NDST3: variants seen among roughly 807,000 people sequenced by gnomAD.
NDST3 encodes the protein bifunctional heparan sulfate N-deacetylase/N-sulfotransferase 3.
NDST3 carries 58 observed loss-of-function variants against 96.1 expected under a neutral mutation model. That is an observed-to-expected ratio of 0.60 (90% CI 0.49 to 0.75). NDST3 has a LOEUF of 0.75. NDST3 is among the 30% of genes least tolerant of loss of function. The pLI is 0.00. For missense variants in NDST3, 788 were observed against 1,034.2 expected (o/e 0.76, Z 3.27); for synonymous variants, 333 against 359.7 (o/e 0.93, Z 0.84).
intron 4 of NDST3, among the ~76,000 whole-genome samples, chr4:118,132,831 C>G (rs1472327308): frequency 2.0e-5 from 3 of 152,068 alleles, no homozygotes. Context: ...CCCTTTTGTC[C>G]TAGAGTATGT....
chr4:118,063,153 G>A (rs895219950), intron 2 of NDST3, among the ~76,000 whole-genome samples: 16 of 148,550 alleles, frequency 1.1e-4, no homozygotes, highest in Non-Finnish European at 2.4e-4. Context: ...TCTCACCATT[G>A]CACTCCAGCC....
At chr4:118,132,236 G>A (rs11098428) in intron 4 of NDST3, among the ~76,000 whole-genome samples, 117,269 of 152,088 alleles carry the variant, frequency 0.77, 48,640 homozygotes, top group South Asian at 0.92. Flanking sequence ...AAATTTGCCT[G>A]ACATTCTGTT....
chr4:118,238,641 A>ACCAT (rs1400510782), intron 10 of NDST3, among the ~76,000 whole-genome samples: 2 of 152,230 alleles, frequency 1.3e-5, no homozygotes, highest in Non-Finnish European at 2.9e-5. Flanking sequence ...TTTAATGACT[A>ACCAT]CCATGTGCAA....
At chr4:118,252,332 T>C (rs1741800026) in intron 12 of NDST3, among the ~76,000 whole-genome samples, 1 of 152,144 alleles carries the variant, frequency 6.6e-6, no homozygotes, top group Admixed American at 6.5e-5. Context: ...AGTCATGACT[T>C]GAATATTGAA....
intron 6 of NDST3, among the ~76,000 whole-genome samples, chr4:118,199,591 T>C (rs777179286): frequency 2.3e-4 from 35 of 152,306 alleles, no homozygotes; most frequent in South Asian, 6.2e-4. Flanking sequence ...ATTGAAGTCA[T>C]GTTTTCCTGG....
rs1275679246 is a variant in NDST3, at chr4:118,217,373, T to A, written c.1540-7118T>A. Among the ~76,000 whole-genome samples the A allele has an allele frequency of 3.3e-5, 5 of 152,040 alleles. No homozygotes were observed. In the East Asian group the frequency reaches 9.6e-4, roughly 29 times the overall value. Reference sequence around the variant, plus strand: ...AACTCAAAAGCTAATGAGGCACTTATGAGAGGGCCCGAGCCAGGGAATTAT... The same window carrying A: ...AACTCAAAAGCTAATGAGGCACTTAAGAGAGGGCCCGAGCCAGGGAATTAT... On this transcript the variant is annotated intron_variant, in intron 6 of 13. Transcript: ENST00000296499.
In NDST3 at chr4:118,116,108, G is replaced by A. The variant is rs150819963; in HGVS notation, c.1224+1148G>A. 4.6e-5 allele frequency among the ~76,000 whole-genome samples: 7 copies of A among 152,186 alleles called. No individual in the cohort carries two copies. The East Asian group carries it at 1.2e-3, about 25-fold the overall frequency. ...AAGCAGCATGTAAAATTGGTAAAAC[G>A]GCCCCAGAATTTGTAATAGAAAGTG... On this transcript the variant is annotated intron_variant, in intron 4 of 13. Coordinates refer to ENST00000296499, the MANE Select transcript of NDST3 (RefSeq NM_004784.3).
intron 1 of NDST3, among the ~76,000 whole-genome samples, chr4:118,046,002 C>T (rs1724741197): frequency 6.6e-6 from 1 of 151,636 alleles, no homozygotes; most frequent in South Asian, 2.1e-4. Flanking sequence ...CAAAGAAGTG[C>T]TACTCCCACG....
At chr4:118,061,936 A>G (rs1396682261) in intron 2 of NDST3, among the ~76,000 whole-genome samples, 1 of 152,192 alleles carries the variant, frequency 6.6e-6, no homozygotes, top group Non-Finnish European at 1.5e-5. Flanking sequence ...CAGAAAAAGG[A>G]AAGTGACATA....
At chr4:118,094,898 A>G (rs941377622) in intron 2 of NDST3, among the ~76,000 whole-genome samples, 2 of 151,908 alleles carry the variant, frequency 1.3e-5, no homozygotes, top group African/African-American at 4.8e-5. Context: ...GTATAGCGTG[A>G]TAGGCTGAGC....
intron 3 of NDST3, among the ~76,000 whole-genome samples, chr4:118,113,356 C>T (rs976163662): frequency 2.0e-5 from 3 of 152,104 alleles, no homozygotes; most frequent in Admixed American, 6.5e-5. Flanking sequence ...AATCTTTGTA[C>T]GTAGTGGAGA....
chr4:118,143,720 T>C (rs746846813), intron 6 of NDST3, 36 bp downstream of exon 6: 3 of 1,549,134 alleles, frequency 1.9e-6, no homozygotes, highest in Non-Finnish European at 2.6e-6. Flanking sequence ...TAGTGAAAAA[T>C]GATAGGGCTG....
At chr4:118,077,443 G>A (rs1727640102) in intron 2 of NDST3, among the ~76,000 whole-genome samples, 2 of 152,196 alleles carry the variant, frequency 1.3e-5, no homozygotes, top group African/African-American at 2.4e-5. Context: ...GACTCTTGGC[G>A]GCATGGCTCT....
chr4:118,048,216 G>C (rs1290620798), intron 1 of NDST3, among the ~76,000 whole-genome samples: 1 of 152,064 alleles, frequency 6.6e-6, no homozygotes, highest in Non-Finnish European at 1.5e-5. Flanking sequence ...CCTTAGAAGA[G>C]GTTCTTAGGG....
intron 1 of NDST3, among the ~76,000 whole-genome samples, chr4:118,048,700 C>A (rs1578533694): frequency 6.6e-6 from 1 of 152,090 alleles, no homozygotes; most frequent in South Asian, 2.1e-4. Context: ...ATATATACAC[C>A]CAACATTGGA....
intron 2 of NDST3, among the ~76,000 whole-genome samples, chr4:118,073,872 G>A (rs1161968990): frequency 6.6e-6 from 1 of 151,844 alleles, no homozygotes; most frequent in African/African-American, 2.4e-5. Flanking sequence ...TTTATGTGAT[G>A]TTACATTTAA....
chr4:118,178,588 A>G (rs1278310964), intron 6 of NDST3, among the ~76,000 whole-genome samples: 1 of 152,006 alleles, frequency 6.6e-6, no homozygotes, highest in Non-Finnish European at 1.5e-5. Flanking sequence ...TTCATTGATG[A>G]ACACTTAAAT....
intron 2 of NDST3, among the ~76,000 whole-genome samples, chr4:118,064,566 T>C (rs186612289): frequency 2.1e-3 from 318 of 152,252 alleles, no homozygotes; most frequent in Non-Finnish European, 3.5e-3. Flanking sequence ...AATTTACCTA[T>C]AAAATACATA....
rs566135813 is a variant in NDST3, at chr4:118,248,010, T to C, written c.2400-5489T>C. ...TTCTAAGTGTAATCTGAATGTTTTG[T>C]ACGATTAACCCGCACGAGGGTAGAA... On this transcript the variant is annotated intron_variant, in intron 12 of 13. Coordinates refer to ENST00000296499, the MANE Select transcript of NDST3 (RefSeq NM_004784.3). 4.6e-5 allele frequency among the ~76,000 whole-genome samples: 7 copies of C among 152,314 alleles called. 1 individual carries two copies. The highest frequency in any genetic ancestry group is 1.3e-4 in the Admixed American group (2 of 15,294).
Sources: allele counts gnomAD v4.1 joint callset (sites outside exome capture counted in the v4.1 genomes callset), GRCh38; gene constraint gnomAD v4.1.1; transcripts MANE v1.5; gene names NCBI Gene and HGNC (gene_info 2026-07-23, HGNC 2026-07-21).